The following THAP6 variants were observed in gnomAD, a reference collection of about 807,000 sequenced individuals.
THAP6 encodes the protein THAP domain-containing protein 6.
In THAP6, 13 loss-of-function variants were observed where a neutral mutation model predicts 20.0. The observed-to-expected ratio is 0.65, with a 90% CI of 0.42 to 1.03. THAP6 has a LOEUF of 1.03. THAP6 is among the 50% of genes least tolerant of loss of function. The probability of loss-of-function intolerance (pLI) is 0.00; values close to 1 mark genes in which losing one functional copy is unlikely to be tolerated. For missense variants in THAP6, 262 were observed against 261.6 expected, an observed-to-expected ratio of 1.00 and a Z score of -0.01; for synonymous variants, 93 against 92.2, an observed-to-expected ratio of 1.01 and a Z score of -0.05.
chr4:75,515,294 C>A (rs1200921421), intron 1 of THAP6, 139 bp from the exon 2 acceptor site: 2 of 694,488 alleles, frequency 2.9e-6, no homozygotes, highest in Non-Finnish European at 4.9e-6. Context: ...ATGATGTAAG[C>A]AAAGCTGCAG....
chr4:75,515,860 G>A (rs112235071), intron 2 of THAP6, among the ~76,000 whole-genome samples: 2,037 of 152,352 alleles, frequency 0.013, 46 homozygotes, highest in African/African-American at 0.047. Flanking sequence ...GAATGAAGGA[G>A]CTTTGCTCGA....
downstream of THAP6, among the ~76,000 whole-genome samples, chr4:75,532,284 CT>C (rs1451839144): frequency 6.6e-6 from 1 of 152,226 alleles, no homozygotes; most frequent in East Asian, 1.9e-4. Flanking sequence ...GCAGGCAAAT[CT>C]TAAGCTTCAA....
At chr4:75,532,548 G>T (rs556393971), downstream of THAP6, among the ~76,000 whole-genome samples, 3 of 152,358 alleles carry the variant, frequency 2.0e-5, no homozygotes, top group South Asian at 4.1e-4. Flanking sequence ...GCCCAGTAGG[G>T]ACTCTGTGTG....
downstream of THAP6, among the ~76,000 whole-genome samples, chr4:75,534,948 T>C (rs1340143504): frequency 1.3e-5 from 2 of 152,208 alleles, no homozygotes; most frequent in Non-Finnish European, 2.9e-5. Context: ...AGGAACACTG[T>C]TGGTGGGACT....
chr4:75,545,659 T>C (rs1474402810), intron 3 of THAP6, among the ~76,000 whole-genome samples: 2 of 152,110 alleles, frequency 1.3e-5, no homozygotes, highest in Non-Finnish European at 2.9e-5. Flanking sequence ...CTGACACACA[T>C]AATCCTGGCT....
At chr4:75,530,764 G>A (rs937582560), downstream of THAP6, among the ~76,000 whole-genome samples, 3 of 152,192 alleles carry the variant, frequency 2.0e-5, no homozygotes, top group Non-Finnish European at 4.4e-5. Flanking sequence ...TCTACCCATA[G>A]ACATGTTAAT....
At chr4:75,515,397 C>T (rs1186982040) in intron 1 of THAP6, 36 bp from the exon 2 acceptor site, 9 of 1,568,632 alleles carry the variant, frequency 5.7e-6, no homozygotes, top group African/African-American at 1.3e-5. Flanking sequence ...TTCAGCTTTC[C>T]GGTTACTAAC....
intron 2 of THAP6, among the ~76,000 whole-genome samples, chr4:75,516,275 C>T (rs1310423368): frequency 6.6e-6 from 1 of 152,162 alleles, no homozygotes; most frequent in East Asian, 1.9e-4. Flanking sequence ...TCCAGAACTC[C>T]ACACTGCAGC....
intron 2 of THAP6, among the ~76,000 whole-genome samples, 197 bp downstream of exon 2, chr4:75,515,729 T>C (rs912592808): frequency 6.6e-6 from 1 of 152,246 alleles, no homozygotes; most frequent in Non-Finnish European, 1.5e-5. Flanking sequence ...TCAGAGACTT[T>C]AAGATATCAG....
chr4:75,545,313 T>TG (rs916085249), intron 3 of THAP6, among the ~76,000 whole-genome samples: 117 of 152,294 alleles, frequency 7.7e-4, no homozygotes, highest in African/African-American at 2.7e-3. Context: ...GGCATTACTC[T>TG]GCCCCTCACC....
At position 75,528,521 on chromosome 4, in the gene THAP6, AGTT is replaced by A. The variant is rs1726516720; in HGVS notation, c.*1311_*1313del. 1.0e-6 allele frequency: 1 copy of A among 984,546 alleles called. No individual in the cohort carries two copies. Among genetic ancestry groups the A allele is most frequent in the Non-Finnish European group, 1.2e-6 (1 of 829,224 alleles). 61.0% of individuals were successfully genotyped at this position (984,546 alleles called of 1,614,324 possible). A position where few individuals can be genotyped will look rare whatever the true frequency, so the allele number is the denominator to read the frequency against. On this transcript the variant is annotated 3_prime_UTR_variant, in exon 5 of 5. Transcript: ENST00000311638. ...AAAAATTGAATTGCATTTTGTGCTCAGTTGTTTATTGTAATTTTATTTTTGTTA... is the reference window on the plus strand; with the variant it reads ...AAAAATTGAATTGCATTTTGTGCTCAGTTTATTGTAATTTTATTTTTGTTA...
chr4:75,541,861 C>T (rs964448579), intron 2 of THAP6, among the ~76,000 whole-genome samples: 2 of 151,346 alleles, frequency 1.3e-5, no homozygotes, highest in Non-Finnish European at 2.9e-5. Context: ...GAGGCTGAGG[C>T]AGGAGAATCG....
chr4:75,519,797 A>G (rs1238389771), intron 3 of THAP6, among the ~76,000 whole-genome samples: 3 of 151,566 alleles, frequency 2.0e-5, no homozygotes, highest in Non-Finnish European at 4.4e-5. Context: ...ATACGTGTGC[A>G]TGTGTCTTTA....
upstream of THAP6, chr4:75,514,158 A>C (rs1725280657): frequency 1.3e-6 from 2 of 1,587,208 alleles, no homozygotes; most frequent in Non-Finnish European, 8.6e-7. Context: ...GCCCAACCTG[A>C]CGGAAGCTTG....
chr4:75,514,088 T>C (rs1725268700), upstream of THAP6: 2 of 1,504,838 alleles, frequency 1.3e-6, no homozygotes, highest in Non-Finnish European at 9.0e-7. Context: ...AAAGGTATCC[T>C]GAAAATCAGG....
intron 2 of THAP6, among the ~76,000 whole-genome samples, chr4:75,540,551 G>A (rs1423809512): frequency 6.6e-6 from 1 of 152,168 alleles, no homozygotes; most frequent in Non-Finnish European, 1.5e-5. Flanking sequence ...TACAGCTTGT[G>A]CAGTTGAAAG....
At chr4:75,520,785 A>G (rs1441358526) in intron 3 of THAP6, among the ~76,000 whole-genome samples, 1 of 152,192 alleles carries the variant, frequency 6.6e-6, no homozygotes, top group Non-Finnish European at 1.5e-5. Context: ...AGCTATGTGT[A>G]AGAATGTCTG....
At chr4:75,526,357 ATTATT>A (rs1226076745) in intron 4 of THAP6, among the ~76,000 whole-genome samples, 1 of 152,194 alleles carries the variant, frequency 6.6e-6, no homozygotes, top group Non-Finnish European at 1.5e-5. Flanking sequence ...GCTTTTCAAA[ATTATT>A]TTATAGTACC....
intron 4 of THAP6, among the ~76,000 whole-genome samples, chr4:75,524,364 A>G (rs1317028690): frequency 6.6e-6 from 1 of 152,190 alleles, no homozygotes; most frequent in Non-Finnish European, 1.5e-5. Flanking sequence ...ATAAGAAAAA[A>G]ATTGATATTA....
Sources: allele counts gnomAD v4.1 joint callset (sites outside exome capture counted in the v4.1 genomes callset), GRCh38; gene constraint gnomAD v4.1.1; transcripts MANE v1.5; gene names NCBI Gene and HGNC (gene_info 2026-07-23, HGNC 2026-07-21).